Variants in INPP4B observed in about 807,000 individuals in gnomAD.
INPP4B encodes the protein inositol polyphosphate 4-phosphatase type II.
INPP4B carries 55 observed loss-of-function variants against 122.5 expected under a neutral mutation model. That is an observed-to-expected ratio of 0.45 (90% CI 0.36 to 0.56). The LOEUF is 0.56. Ranked by LOEUF, INPP4B falls within the 20% of genes least tolerant of loss-of-function variation. INPP4B has a pLI of 0.00. For missense variants in INPP4B, 1,000 were observed against 1,097.7 expected, an observed-to-expected ratio of 0.91 and a Z score of 1.26; for synonymous variants, 403 against 388.7, an observed-to-expected ratio of 1.04 and a Z score of -0.43.
At chr4:142,123,437 G>A (rs1428581869) in intron 19 of INPP4B, 22 bp from the exon 20 acceptor site, 1 of 1,605,244 alleles carries the variant, frequency 6.2e-7, no homozygotes, top group Non-Finnish European at 8.5e-7. Context: ...ATATTGATGA[G>A]ATTTACTGCA....
At chr4:142,251,356 A>T in intron 11 of INPP4B, among the ~76,000 whole-genome samples, 1 of 152,236 alleles carries the variant, frequency 6.6e-6, no homozygotes, top group East Asian at 1.9e-4. Flanking sequence ...TTTAAAAATT[A>T]ACATTTAATG....
intron 2 of INPP4B, among the ~76,000 whole-genome samples, chr4:142,625,647 G>A (rs984333785): frequency 4.6e-5 from 7 of 151,908 alleles, no homozygotes; most frequent in African/African-American, 9.7e-5. Flanking sequence ...AAGTTCATAT[G>A]GAACCAAAAA....
chr4:142,103,964 T>G (rs1346345600), intron 23 of INPP4B, among the ~76,000 whole-genome samples: 1 of 152,138 alleles, frequency 6.6e-6, no homozygotes, highest in Admixed American at 6.6e-5. Flanking sequence ...AAATATTATA[T>G]AAAAAGTATA....
At chr4:142,746,026 T>A (rs555028616) in intron 1 of INPP4B, among the ~76,000 whole-genome samples, 1 of 151,996 alleles carries the variant, frequency 6.6e-6, no homozygotes, top group South Asian at 2.1e-4. Context: ...TAAGAAGAGA[T>A]GAAAAGTCTT....
At chr4:142,253,588 G>T (rs993215815) in intron 11 of INPP4B, among the ~76,000 whole-genome samples, 1 of 152,232 alleles carries the variant, frequency 6.6e-6, no homozygotes, top group African/African-American at 2.4e-5. Flanking sequence ...AAAGAAAGGG[G>T]TGACAGACGG....
chr4:142,719,711 A>G (rs2150831603), intron 2 of INPP4B, among the ~76,000 whole-genome samples: 1 of 152,288 alleles, frequency 6.6e-6, no homozygotes, highest in Admixed American at 6.5e-5. Flanking sequence ...TAATCCATGG[A>G]AAATATCATT....
In INPP4B at chr4:142,057,992, G is replaced by T. The variant is rs190631282; in HGVS notation, c.2642+24039C>A. Among the ~76,000 whole-genome samples the T allele has an allele frequency of 6.6e-5, 10 of 152,066 alleles. No homozygotes were observed. The East Asian group carries it at 1.9e-3, about 29-fold the overall frequency. On this transcript the variant is annotated intron_variant, in intron 25 of 25. Transcript: ENST00000262992. Reference sequence around the variant, plus strand: ...TCACAGCATGTAGCCTTGCATTTTCGCCATTTTGTATTTCTTGCCTCCCCT... The same window carrying T: ...TCACAGCATGTAGCCTTGCATTTTCTCCATTTTGTATTTCTTGCCTCCCCT...
intron 12 of INPP4B, among the ~76,000 whole-genome samples, chr4:142,218,825 C>G (rs982598814): frequency 5.3e-5 from 8 of 152,086 alleles, no homozygotes; most frequent in African/African-American, 1.4e-4. Context: ...AATTTATTCA[C>G]TAGGACAAAA....
intron 7 of INPP4B, among the ~76,000 whole-genome samples, chr4:142,325,332 A>G (rs1420567893): frequency 2.6e-5 from 4 of 152,186 alleles, no homozygotes; most frequent in Non-Finnish European, 4.4e-5. Flanking sequence ...AAAAAATGCC[A>G]TTTAAATATT....
intron 2 of INPP4B, among the ~76,000 whole-genome samples, chr4:142,541,676 G>A (rs1052064726): frequency 1.3e-5 from 2 of 152,148 alleles, no homozygotes; most frequent in Non-Finnish European, 2.9e-5. Flanking sequence ...GGTAGAGAGC[G>A]CTGCAGACTT....
intron 7 of INPP4B, among the ~76,000 whole-genome samples, chr4:142,386,537 G>C (rs1796021741): frequency 6.6e-6 from 1 of 152,184 alleles, no homozygotes; most frequent in Admixed American, 6.6e-5. Flanking sequence ...TGTAACAACA[G>C]CTGAGTCTTG....
At chr4:142,353,142 C>A (rs1782438878) in intron 7 of INPP4B, among the ~76,000 whole-genome samples, 1 of 151,884 alleles carries the variant, frequency 6.6e-6, no homozygotes, top group Admixed American at 6.6e-5. Flanking sequence ...TGTCTTCAAC[C>A]TTTTATTAAT....
chr4:142,312,300 A>T (rs1765815955), intron 8 of INPP4B, among the ~76,000 whole-genome samples: 1 of 152,198 alleles, frequency 6.6e-6, no homozygotes, highest in Non-Finnish European at 1.5e-5. Flanking sequence ...CTAGGGCTAG[A>T]AGAGAGGAGA....
chr4:142,355,169 T>C lies in INPP4B; in HGVS notation c.373-40407A>G, dbSNP rs564464770. 3.7e-4 allele frequency among the ~76,000 whole-genome samples: 57 copies of C among 152,142 alleles called. 2 individuals are homozygous for C. Among genetic ancestry groups the C allele is most frequent in the Non-Finnish European group, 8.1e-4 (55 of 67,950 alleles). ...ACTGCAAAGCGTCTTAAAATAGAAG[T>C]TCAGAAGCCACATTATATCACTTCT... On this transcript the variant is annotated intron_variant, in intron 7 of 25. Transcript: ENST00000262992.
intron 5 of INPP4B, among the ~76,000 whole-genome samples, chr4:142,423,522 A>G (rs907360828): frequency 1.3e-5 from 2 of 152,068 alleles, no homozygotes; most frequent in African/African-American, 4.8e-5. Flanking sequence ...ATTTAGAATC[A>G]GCTCTCTCCT....
chr4:142,408,987 G>T (rs1364931540), intron 5 of INPP4B, among the ~76,000 whole-genome samples: 1 of 152,068 alleles, frequency 6.6e-6, no homozygotes, highest in Non-Finnish European at 1.5e-5. Context: ...CATAATTTGT[G>T]ACTTGTCATC....
chr4:142,248,630 ATGTGTGTGTG>A (rs35550228), intron 11 of INPP4B, among the ~76,000 whole-genome samples: 1 of 148,544 alleles, frequency 6.7e-6, no homozygotes. Context: ...CACTCTCTGT[ATGTGTGTGTG>A]TGTGTGTGTG....
chr4:142,785,882 A>T (rs1775694652), intron 1 of INPP4B, among the ~76,000 whole-genome samples: 1 of 152,064 alleles, frequency 6.6e-6, no homozygotes, highest in African/African-American at 2.4e-5. Context: ...TATTCAAACA[A>T]AATAAAACCA....
intron 11 of INPP4B, among the ~76,000 whole-genome samples, chr4:142,259,372 A>AAAT (rs1561658557): frequency 3.3e-5 from 5 of 149,438 alleles, no homozygotes; most frequent in East Asian, 1.9e-4. Context: ...AATAAATAAA[A>AAAT]AAAAAGAAAA....
Sources: gnomAD v4.1 joint callset for allele counts (sites outside exome capture counted in the v4.1 genomes callset) on GRCh38, gnomAD v4.1.1 for gene constraint, MANE v1.5 for transcripts, NCBI Gene and HGNC (gene_info 2026-07-23, HGNC 2026-07-21) for gene names.